The following TENM3 variants were observed in gnomAD, a reference collection of about 807,000 sequenced individuals.
TENM3 encodes teneurin transmembrane protein 3.
In TENM3, 63 loss-of-function variants were observed where a neutral mutation model predicts 255.1. That is an observed-to-expected ratio of 0.25 (90% CI 0.20 to 0.30). The LOEUF (loss-of-function observed/expected upper bound fraction) is 0.30. TENM3 is among the 10% of genes least tolerant of loss of function. The pLI is 1.00. For missense variants in TENM3, 2,929 were observed against 3,461.1 expected (o/e 0.85, Z 3.86); for synonymous variants, 1,306 against 1,322.3 (o/e 0.99, Z 0.27).
At position 182,688,196 on chromosome 4, in the gene TENM3, G is replaced by A. The variant is rs1450678439; in HGVS notation, c.2066G>A (p.Gly689Asp). 2.5e-6 allele frequency: 4 copies of A among 1,613,274 alleles called. No individual in the cohort carries two copies. The highest frequency in any genetic ancestry group is 1.1e-5 in the South Asian group (1 of 90,966). ...EICSVDCGSH[G>D]VCMGGTCRCE... is the part of the protein sequence containing the mutation. Reference sequence around the variant, plus strand: ...TGTTCTGTGGACTGTGGCTCACACGGCGTTTGCATGGGGGGGACGTGTCGC... The same window carrying A: ...TGTTCTGTGGACTGTGGCTCACACGACGTTTGCATGGGGGGGACGTGTCGC... The change falls in exon 12 of 28, where the codon GGC becomes GAC. Residue 689 changes from glycine (G) to aspartate (D), a missense_variant. Gly to Asp is a moderately conservative substitution (Grantham distance 94). Coordinates refer to ENST00000511685, the MANE Select transcript of TENM3 (RefSeq NM_001080477.4).
At chr4:182,693,294 T>G (rs1757148582) in intron 12 of TENM3, among the ~76,000 whole-genome samples, 1 of 152,140 alleles carries the variant, frequency 6.6e-6, no homozygotes. Flanking sequence ...TGTTTTTAGG[T>G]CAGTTTTACA....
chr4:182,724,207 C>A (rs1349340255), intron 13 of TENM3, among the ~76,000 whole-genome samples: 1 of 151,996 alleles, frequency 6.6e-6, no homozygotes, highest in Non-Finnish European at 1.5e-5. Context: ...GGCTTCTATA[C>A]CAAGATAAAT....
the TENM3 span, among the ~76,000 whole-genome samples, chr4:181,515,052 A>G: frequency 0.27 from 40,866 of 152,170 alleles, 5,962 homozygotes; most frequent in African/African-American, 0.37. Context: ...TTGGTTAAAG[A>G]CAATCTTCAA....
chr4:182,226,103 C>T (rs1030374912), intron 1 of TENM3, among the ~76,000 whole-genome samples: 7 of 152,052 alleles, frequency 4.6e-5, no homozygotes, highest in African/African-American at 1.7e-4. Flanking sequence ...AGATTTTAAT[C>T]TGTAAATGAA....
chr4:181,860,781 A>C, the TENM3 span, among the ~76,000 whole-genome samples: 1 of 152,222 alleles, frequency 6.6e-6, no homozygotes, highest in Admixed American at 6.5e-5. Flanking sequence ...AGAAATACTT[A>C]GAAGGAATCA....
chr4:182,763,458 G>A (rs1422978055), intron 22 of TENM3, among the ~76,000 whole-genome samples: 1 of 152,010 alleles, frequency 6.6e-6, no homozygotes, highest in Non-Finnish European at 1.5e-5. Context: ...CCAGCTACTC[G>A]GGAGGCTGAG....
At chr4:182,013,318 G>C in the TENM3 span, among the ~76,000 whole-genome samples, 1 of 152,200 alleles carries the variant, frequency 6.6e-6, no homozygotes, top group African/African-American at 2.4e-5. Flanking sequence ...ATGCAGTAAA[G>C]CTTAGAACAA....
intron 6 of TENM3, among the ~76,000 whole-genome samples, chr4:182,659,150 G>T (rs1412801162): frequency 6.6e-6 from 1 of 152,158 alleles, no homozygotes; most frequent in Non-Finnish European, 1.5e-5. Flanking sequence ...AGATGCTGTT[G>T]TGGCCATCTT....
chr4:181,831,448 T>G, the TENM3 span, among the ~76,000 whole-genome samples: 1,074 of 151,140 alleles, frequency 7.1e-3, 14 homozygotes, highest in African/African-American at 0.025. Flanking sequence ...CTATCAGATG[T>G]TTAACCCTGA....
At chr4:182,767,193 G>T (rs1165794852) in intron 22 of TENM3, among the ~76,000 whole-genome samples, 4 of 152,124 alleles carry the variant, frequency 2.6e-5, no homozygotes, top group Non-Finnish European at 5.9e-5. Flanking sequence ...TAAACCATAG[G>T]TTCCTTCTCA....
chr4:181,888,350 T>C, the TENM3 span, among the ~76,000 whole-genome samples: 2 of 151,368 alleles, frequency 1.3e-5, no homozygotes, highest in East Asian at 2.0e-4. Context: ...TTTTAGTTTG[T>C]CATTTCCCAA....
the TENM3 span, among the ~76,000 whole-genome samples, chr4:181,885,875 C>A: frequency 2.0e-5 from 3 of 152,218 alleles, no homozygotes; most frequent in South Asian, 6.2e-4. Context: ...AAAGAATAAA[C>A]TTAATATTAA....
chr4:182,386,430 G>A (rs543932919), intron 3 of TENM3, among the ~76,000 whole-genome samples: 50 of 152,352 alleles, frequency 3.3e-4, no homozygotes, highest in Admixed American at 4.6e-4. Context: ...TGCTCTCGGC[G>A]CCTCCTCTGC....
At chr4:182,241,518 CTTTTTT>C (rs982739950), upstream of TENM3, among the ~76,000 whole-genome samples, 2 of 114,276 alleles carry the variant, frequency 1.8e-5, no homozygotes, top group Non-Finnish European at 3.3e-5. Context: ...TTTTTTCTTT[CTTTTTT>C]TTTTTTTTTT....
At chr4:182,597,334 G>A (rs1178136801) in intron 3 of TENM3, among the ~76,000 whole-genome samples, 2 of 152,056 alleles carry the variant, frequency 1.3e-5, no homozygotes, top group Non-Finnish European at 2.9e-5. Flanking sequence ...ACTTGAGCAT[G>A]GGAGGTAGAC....
chr4:181,451,108 A>G, the TENM3 span, among the ~76,000 whole-genome samples: 21 of 152,250 alleles, frequency 1.4e-4, no homozygotes, highest in Non-Finnish European at 2.6e-4. Context: ...AGCAACCATC[A>G]TTATAGAGGG....
the TENM3 span, among the ~76,000 whole-genome samples, chr4:181,908,098 T>G: frequency 6.6e-6 from 1 of 152,226 alleles, no homozygotes. Flanking sequence ...GTCACTGTAT[T>G]TGTCTTATTC....
At chr4:182,045,615 T>C in the TENM3 span, among the ~76,000 whole-genome samples, 5 of 152,080 alleles carry the variant, frequency 3.3e-5, no homozygotes, top group Non-Finnish European at 7.4e-5. Context: ...GTCCCAAGGA[T>C]AGTGAAAAAA....
intron 3 of TENM3, among the ~76,000 whole-genome samples, chr4:182,461,402 C>T (rs755900359): frequency 7.2e-5 from 11 of 152,122 alleles, no homozygotes; most frequent in Non-Finnish European, 1.3e-4. Context: ...CTACTTCGAG[C>T]ATGAAGTTCA....
Sources: gnomAD v4.1 joint callset for allele counts (sites outside exome capture counted in the v4.1 genomes callset) on GRCh38, gnomAD v4.1.1 for gene constraint, MANE v1.5 for transcripts, NCBI Gene and HGNC (gene_info 2026-07-23, HGNC 2026-07-21) for gene names.